Variants in PSME4 observed in about 807,000 individuals in gnomAD.
PSME4 encodes the protein proteasome activator complex subunit 4.
Under a neutral mutation model 253.9 loss-of-function variants are expected in PSME4, and 89 were observed. The ratio of observed to expected loss-of-function variants is 0.35; its 90% CI spans 0.30 to 0.42. The LOEUF (loss-of-function observed/expected upper bound fraction) is 0.42. PSME4 is among the 10% of genes least tolerant of loss of function. The pLI is 1.00. For synonymous variants in PSME4, 851 were observed against 759.2 expected (o/e 1.12, Z -1.99); for missense variants, 2,014 against 2,195.2 (o/e 0.92, Z 1.65).
intron 20 of PSME4, among the ~76,000 whole-genome samples, chr2:53,914,374 T>C (rs565054388): frequency 2.0e-5 from 3 of 152,316 alleles, no homozygotes; most frequent in Middle Eastern, 6.8e-3. Flanking sequence ...GTATAAACTA[T>C]ACCACAAATA....
At chr2:53,896,334 C>T (rs747595411) in intron 32 of PSME4, among the ~76,000 whole-genome samples, 11 of 152,092 alleles carry the variant, frequency 7.2e-5, no homozygotes, top group African/African-American at 2.2e-4. Flanking sequence ...ATAATCCAAT[C>T]CAGGATTAAA....
chr2:53,867,331 C>T (rs1678613324), intron 44 of PSME4, among the ~76,000 whole-genome samples: 1 of 151,946 alleles, frequency 6.6e-6, no homozygotes, highest in Non-Finnish European at 1.5e-5. Flanking sequence ...GTGGCGAAAC[C>T]CTGTCTCTGC....
chr2:53,967,868 T>C (rs1670819085), intron 1 of PSME4, among the ~76,000 whole-genome samples: 1 of 152,038 alleles, frequency 6.6e-6, no homozygotes, highest in Admixed American at 6.6e-5. Context: ...TCCAGTATTT[T>C]ACAAATTATT....
intron 29 of PSME4, among the ~76,000 whole-genome samples, chr2:53,899,150 T>C (rs976821029): frequency 3.9e-5 from 6 of 152,138 alleles, no homozygotes; most frequent in Non-Finnish European, 8.8e-5. Flanking sequence ...CTGTAACCTC[T>C]GCCTCCCAGG....
intron 26 of PSME4, among the ~76,000 whole-genome samples, chr2:53,906,313 C>T (rs971081299): frequency 1.3e-5 from 2 of 152,262 alleles, no homozygotes; most frequent in South Asian, 2.1e-4. Flanking sequence ...CAATTACAAA[C>T]AGCAACATTA....
chr2:53,898,047 G>GA, intron 30 of PSME4, 48 bp from the exon 31 acceptor site: 1 of 1,554,088 alleles, frequency 6.4e-7, no homozygotes, highest in Non-Finnish European at 8.7e-7. Flanking sequence ...AAAACCACTT[G>GA]GAAAAAAAAA....
chr2:53,908,292 G>C (rs805319), intron 24 of PSME4, 28 bp downstream of exon 24: 486,578 of 1,545,616 alleles, frequency 0.31, 78,878 homozygotes, highest in South Asian at 0.47. Context: ...AAAACAATTA[G>C]TGCAGACTTT....
At chr2:53,950,210 G>T (rs1331026867) in intron 1 of PSME4, among the ~76,000 whole-genome samples, 2 of 151,948 alleles carry the variant, frequency 1.3e-5, no homozygotes, top group African/African-American at 2.4e-5. Flanking sequence ...AGCCCAGGAA[G>T]TCAAGGGGGC....
chr2:53,957,450 A>G (rs1670287625), intron 1 of PSME4, among the ~76,000 whole-genome samples: 1 of 152,176 alleles, frequency 6.6e-6, no homozygotes, highest in South Asian at 2.1e-4. Context: ...CAGGCACAAG[A>G]TTCTCACAAA....
chr2:53,926,931 T>A (rs1056505059), intron 12 of PSME4, among the ~76,000 whole-genome samples: 1 of 145,730 alleles, frequency 6.9e-6, no homozygotes, highest in Middle Eastern at 3.6e-3. Context: ...CGATATCACA[T>A]CACTGCACTC....
intron 20 of PSME4, among the ~76,000 whole-genome samples, chr2:53,917,772 T>C (rs1668124868): frequency 6.6e-6 from 1 of 152,188 alleles, no homozygotes; most frequent in African/African-American, 2.4e-5. Context: ...ACTGTTAAGA[T>C]CATAGGTGAA....
chr2:53,940,970 T>TAC (rs1558413968), intron 3 of PSME4, among the ~76,000 whole-genome samples: 5 of 67,048 alleles, frequency 7.5e-5, no homozygotes, highest in Non-Finnish European at 1.0e-4. Context: ...TATATATATA[T>TAC]ATATATATAT....
intron 18 of PSME4, 104 bp from the exon 19 acceptor site, chr2:53,920,454 C>T (rs1668255145): frequency 1.7e-6 from 2 of 1,181,472 alleles, no homozygotes; most frequent in East Asian, 2.5e-5. Context: ...AAAATGTACA[C>T]ATAATCCAAA....
chr2:53,928,006 A>C (rs1376087322), intron 11 of PSME4, 111 bp downstream of exon 11: 1 of 688,620 alleles, frequency 1.5e-6, no homozygotes, highest in Non-Finnish European at 2.3e-6. Flanking sequence ...TACAACATTT[A>C]TTTTCATATT....
intron 3 of PSME4, among the ~76,000 whole-genome samples, chr2:53,947,898 C>A (rs1329427990): frequency 2.0e-5 from 3 of 151,820 alleles, no homozygotes; most frequent in African/African-American, 7.3e-5. Context: ...TGCCTGTAAT[C>A]CCAGCTGCTC....
chr2:53,918,332 T>C (rs1305972699), intron 20 of PSME4, among the ~76,000 whole-genome samples: 3 of 152,166 alleles, frequency 2.0e-5, no homozygotes, highest in African/African-American at 7.2e-5. Context: ...AATTAATATA[T>C]ACTGCTGATT....
chr2:53,949,157 C>T lies in PSME4; in HGVS notation c.369G>A (p.Leu123=). The stretch of plus-strand genomic sequence containing the variant: ...AAAAGACTTACTTTAACAAGTTGAT[C>T]AAAAGGCGGGCAAATCCCTGCATCA... ...ISMMQGFARL[L]INLLKKKELL... Residue 123 remains leucine, a synonymous_variant, in exon 2 of 47, where the codon TTG becomes TTA. Coordinates refer to ENST00000404125, the MANE Select transcript of PSME4 (RefSeq NM_014614.3). 6.3e-7 allele frequency: 1 copy of T among 1,596,870 alleles called. No individual in the cohort carries two copies. Among genetic ancestry groups the T allele is most frequent in the Non-Finnish European group, 8.5e-7 (1 of 1,171,664 alleles).
intron 1 of PSME4, among the ~76,000 whole-genome samples, chr2:53,959,770 C>T (rs1670399022): frequency 6.6e-6 from 1 of 152,054 alleles, no homozygotes; most frequent in South Asian, 2.1e-4. Flanking sequence ...TTCATAAACT[C>T]ACCTCCCCTA....
At chr2:53,951,028 C>T (rs1198924820) in intron 1 of PSME4, among the ~76,000 whole-genome samples, 2 of 152,056 alleles carry the variant, frequency 1.3e-5, no homozygotes, top group African/African-American at 4.8e-5. Flanking sequence ...TAGTATTCCT[C>T]GTAAGATCTT....
Sources: gnomAD v4.1 joint callset for allele counts (sites outside exome capture counted in the v4.1 genomes callset) on GRCh38, gnomAD v4.1.1 for gene constraint, MANE v1.5 for transcripts, NCBI Gene and HGNC (gene_info 2026-07-23, HGNC 2026-07-21) for gene names.